CRBN: variants seen among roughly 807,000 people sequenced by gnomAD.
CRBN encodes cereblon, also known as protein cereblon.
CRBN carries 53 observed loss-of-function variants against 62.2 expected under a neutral mutation model. The observed-to-expected ratio is 0.85, with a 90% CI of 0.68 to 1.07. The LOEUF is 1.07. Among genes scored for constraint, CRBN ranks in the 50% least tolerant of loss-of-function variants. CRBN has a pLI of 0.00. For missense variants in CRBN, 616 were observed against 531.1 expected (o/e 1.16, Z -1.57); for synonymous variants, 208 against 176.1 (o/e 1.18, Z -1.43).
chr3:3,175,393 G>T, intron 1 of CRBN, 124 bp from the exon 2 acceptor site: 1 of 720,264 alleles, frequency 1.4e-6, no homozygotes, highest in African/African-American at 1.8e-5. Context: ...CTACAGCACC[G>T]TGAAGAGGGA....
intron 4 of CRBN, among the ~76,000 whole-genome samples, chr3:3,170,357 C>G (rs1275505571): frequency 6.6e-6 from 1 of 152,020 alleles, no homozygotes; most frequent in Non-Finnish European, 1.5e-5. Flanking sequence ...TTTTATTTTT[C>G]TATATGCTTA....
intron 4 of CRBN, among the ~76,000 whole-genome samples, chr3:3,169,099 T>C (rs374851506): frequency 6.6e-6 from 1 of 152,326 alleles, no homozygotes; most frequent in South Asian, 2.1e-4. Context: ...CCAACTATTG[T>C]ATAAGATTTG....
At chr3:3,177,547 ATTGT>A (rs1575103991) in intron 1 of CRBN, among the ~76,000 whole-genome samples, 1 of 152,214 alleles carries the variant, frequency 6.6e-6, no homozygotes, top group Admixed American at 6.5e-5. Flanking sequence ...TCTGCATCAA[ATTGT>A]TTGTATTTCC....
chr3:3,154,833 T>C lies in CRBN; in HGVS notation c.751-2A>G. The stretch of plus-strand genomic sequence containing the variant: ...CTTGATTCTGTCCATTAAGGTCTCC[T>C]TGTTTAAAATAAAGGTAGCCATAAT... On this transcript the variant is annotated splice_acceptor_variant, in intron 6 of 10. Transcript: ENST00000231948. LOFTEE classifies it high-confidence loss of function. 1 of 1,553,174 alleles carries C rather than the reference T, an allele frequency of 6.4e-7. No individual in the cohort carries two copies. The highest frequency in any genetic ancestry group is 8.9e-7 in the Non-Finnish European group (1 of 1,124,782).
intron 1 of CRBN, among the ~76,000 whole-genome samples, chr3:3,177,990 GA>G (rs1377779635): frequency 2.7e-5 from 4 of 146,472 alleles, no homozygotes; most frequent in Non-Finnish European, 6.0e-5. Flanking sequence ...ACGCTTTTCT[GA>G]AAAACAAAAA....
At chr3:3,153,374 A>G (rs1047175338) in intron 9 of CRBN, 50 bp downstream of exon 9, 30 of 1,038,436 alleles carry the variant, frequency 2.9e-5, no homozygotes, top group Non-Finnish European at 4.3e-5. Context: ...TACAGTCTTC[A>G]TTATAATTCT....
At chr3:3,150,008 A>ATGTT (rs1706389435), downstream of CRBN, 1 of 152,152 alleles carries the variant, frequency 6.6e-6, no homozygotes, top group Non-Finnish European at 1.5e-5. Flanking sequence ...AACAAAGAAC[A>ATGTT]TGTTTAGTTT....
intron 6 of CRBN, 69 bp from the exon 7 acceptor site, chr3:3,154,900 A>T: frequency 1.2e-6 from 1 of 862,060 alleles, no homozygotes; most frequent in Non-Finnish European, 2.0e-6. Context: ...AAGCTTTTCA[A>T]CTCTTAAAAC....
intron 6 of CRBN, chr3:3,155,851 G>T (rs1706866248): frequency 9.3e-6 from 2 of 215,092 alleles, no homozygotes; most frequent in South Asian, 8.1e-5. Context: ...CTGTTGTCCA[G>T]GCTGGAGTAC....
In CRBN at chr3:3,174,409, G is replaced by C. The variant is rs1707748173; in HGVS notation, c.175-148C>G. 7 of 692,064 alleles carry C rather than the reference G, an allele frequency of 1.0e-5. No individual in the cohort carries two copies. In the Admixed American group the frequency reaches 1.2e-4, roughly 11 times the overall value. The allele number at this position is 692,064 out of a possible 1,614,324, so 42.9% of individuals were successfully genotyped here. ...TAATTCCAGCACTTTGGGAGGCCGAGGTAGGCGGATCACCTGAGGTCAGGA... is the reference window on the plus strand; with the variant it reads ...TAATTCCAGCACTTTGGGAGGCCGACGTAGGCGGATCACCTGAGGTCAGGA... On this transcript the variant is annotated intron_variant, in intron 2 of 10. Transcript: ENST00000231948.
chr3:3,152,243 T>G (rs961625801), intron 10 of CRBN, among the ~76,000 whole-genome samples: 3 of 151,716 alleles, frequency 2.0e-5, no homozygotes, highest in Non-Finnish European at 4.4e-5. Flanking sequence ...ACTCTTGCCT[T>G]CCAGGTTCAA....
chr3:3,166,943 A>G (rs905348500), intron 5 of CRBN, among the ~76,000 whole-genome samples: 6 of 152,210 alleles, frequency 3.9e-5, no homozygotes, highest in East Asian at 1.9e-4. Flanking sequence ...ATTAAAAAAA[A>G]AAACTCAAAA....
rs3840223 is a variant in CRBN, at chr3:3,178,017, CA to C, written c.67+1603del. Among the ~76,000 whole-genome samples the C allele has an allele frequency of 2.1e-3, 282 of 133,540 alleles. 6 individuals carry two copies. In the East Asian group the frequency reaches 0.12, roughly 57 times the overall value. The allele number at this position is 133,540 out of a possible 152,430, so 87.6% of individuals were successfully genotyped here. A position where few individuals can be genotyped will look rare whatever the true frequency, so the allele number is the denominator to read the frequency against. On this transcript the variant is annotated intron_variant, in intron 1 of 10. Transcript: ENST00000231948. ...AAAACAAAAAACAAAACAAAACAAA[CA>C]AAAAAAAAACAAACAAAAAACCACG... is the stretch of plus-strand genomic sequence containing the variant.
chr3:3,150,609 T>G lies in CRBN; in HGVS notation c.*256A>C. 1 of 392,132 alleles carries G rather than the reference T, an allele frequency of 2.6e-6. No homozygotes were observed. Among genetic ancestry groups the G allele is most frequent in the Admixed American group, 3.9e-5 (1 of 25,332 alleles). 24.3% of individuals were successfully genotyped at this position (392,132 alleles called of 1,614,324 possible). On this transcript the variant is annotated 3_prime_UTR_variant, in exon 11 of 11. Transcript: ENST00000231948. Reference sequence around the variant, plus strand: ...TGACATGCTACCAGACATATCAGATTCCACAGGATAATGGCACCAAGCTAC... The same window carrying G: ...TGACATGCTACCAGACATATCAGATGCCACAGGATAATGGCACCAAGCTAC...
At chr3:3,173,608 C>G (rs1314818752) in intron 3 of CRBN, among the ~76,000 whole-genome samples, 1 of 152,084 alleles carries the variant, frequency 6.6e-6, no homozygotes, top group Non-Finnish European at 1.5e-5. Flanking sequence ...CCGCAGATTT[C>G]CTTTATTTGC....
chr3:3,169,488 G>A (rs952933184), intron 4 of CRBN, among the ~76,000 whole-genome samples: 2 of 151,902 alleles, frequency 1.3e-5, no homozygotes, highest in South Asian at 2.1e-4. Context: ...GAAAAAAACC[G>A]CACAAATCTG....
At chr3:3,157,788 G>GT (rs1385104332) in intron 5 of CRBN, among the ~76,000 whole-genome samples, 1 of 152,204 alleles carries the variant, frequency 6.6e-6, no homozygotes, top group Non-Finnish European at 1.5e-5. Flanking sequence ...AGTAACTGCG[G>GT]TTTTAACAGA....
chr3:3,154,129 G>C (rs984373776), intron 7 of CRBN, 54 bp from the exon 8 acceptor site: 5 of 1,034,238 alleles, frequency 4.8e-6, no homozygotes, highest in Non-Finnish European at 6.1e-6. Flanking sequence ...AAGCATCAGA[G>C]AACTTACAAA....
intron 10 of CRBN, among the ~76,000 whole-genome samples, 155 bp from the exon 11 acceptor site, chr3:3,151,200 AC>A (rs1346476779): frequency 6.6e-6 from 1 of 152,316 alleles, no homozygotes; most frequent in African/African-American, 2.4e-5. Context: ...AAACCTAAAA[AC>A]ATTTCTAAAA....
Sources: gnomAD v4.1 joint callset for allele counts (sites outside exome capture counted in the v4.1 genomes callset) on GRCh38, gnomAD v4.1.1 for gene constraint, MANE v1.5 for transcripts, NCBI Gene and HGNC (gene_info 2026-07-23, HGNC 2026-07-21) for gene names.